BAIAP2L2: variants seen among roughly 807,000 people sequenced by gnomAD.
The protein encoded by BAIAP2L2 is BAR/IMD domain containing adaptor protein 2 like 2.
A neutral mutation model predicts 60.4 loss-of-function variants in BAIAP2L2; 65 were observed. The observed-to-expected ratio is 1.08, with a 90% CI of 0.88 to 1.32. The LOEUF is 1.32. BAIAP2L2 is among the 40% of genes most tolerant of loss of function. The probability of loss-of-function intolerance (pLI) is 0.00; values close to 1 mark genes in which losing one functional copy is unlikely to be tolerated. For synonymous variants in BAIAP2L2, 344 were observed against 301.7 expected (o/e 1.14, Z -1.45); for missense variants, 836 against 741.2 (o/e 1.13, Z -1.48).
At chr22:38,085,412 G>A (rs761126294) in intron 13 of BAIAP2L2, 37 bp from the exon 14 acceptor site, 4 of 1,593,976 alleles carry the variant, frequency 2.5e-6, no homozygotes, top group Non-Finnish European at 8.6e-7. Flanking sequence ...GAGAAGGGCA[G>A]ATGATCCCCA....
intron 1 of BAIAP2L2, among the ~76,000 whole-genome samples, chr22:38,109,610 T>C (rs2086752325): frequency 6.6e-6 from 1 of 152,156 alleles, no homozygotes; most frequent in Non-Finnish European, 1.5e-5. Flanking sequence ...GCTACACGCC[T>C]GGGGCTGCCA....
chr22:38,094,759 T>A (rs2086387752), intron 7 of BAIAP2L2, among the ~76,000 whole-genome samples: 1 of 152,106 alleles, frequency 6.6e-6, no homozygotes, highest in Admixed American at 6.5e-5. Flanking sequence ...AGCCGAAATC[T>A]GGGTCTTTGG....
At chr22:38,105,359 T>TTTG (rs2086644871) in intron 4 of BAIAP2L2, among the ~76,000 whole-genome samples, 1 of 146,658 alleles carries the variant, frequency 6.8e-6, no homozygotes, top group African/African-American at 2.5e-5. Context: ...TTTTTTTTTT[T>TTTG]GAGACAGAGT....
chr22:38,109,228 G>A lies in BAIAP2L2; in HGVS notation c.52-20C>T, dbSNP rs891894682. 1 of 1,587,354 alleles carries A rather than the reference G, an allele frequency of 6.3e-7. No individual in the cohort carries two copies. The highest frequency in any genetic ancestry group is 1.1e-5 in the South Asian group (1 of 90,482). On this transcript the variant is annotated intron_variant, in intron 1 of 13. Coordinates refer to ENST00000381669, the MANE Select transcript of BAIAP2L2 (RefSeq NM_025045.6). ...GATGCTCTGGACCCCAGGGTCAGGG[G>A]AGGAAAAAGGTGTAGAGATGGGGGA...
chr22:38,110,686 G>T, upstream of BAIAP2L2: 1 of 584,386 alleles, frequency 1.7e-6, no homozygotes, highest in South Asian at 2.1e-5. Flanking sequence ...AGGAGTGGCA[G>T]CTTAATTATT....
At chr22:38,110,150 G>GGA (rs1421982119) in intron 1 of BAIAP2L2, among the ~76,000 whole-genome samples, 2 of 30,486 alleles carry the variant, frequency 6.6e-5, no homozygotes, top group Admixed American at 2.8e-4. Context: ...AGAGAGAGAG[G>GGA]GAGAGACAGA....
In BAIAP2L2 at chr22:38,088,902, CG is replaced by C. The variant is rs2086186516; in HGVS notation, c.963del (p.Gly322AlafsTer61). ...SRSNSFGERP[G>X]GGGGARRVRA... ...CGGACTCTCCTGGCGCCCCCGCCGC[CG>C]CCCGGGCGCTCGCCAAAGGAGTTGG... is the stretch of plus-strand genomic sequence containing the variant. On this transcript the variant is annotated frameshift_variant, in exon 10 of 14. Transcript: ENST00000381669. LOFTEE classifies it high-confidence loss of function. 4 of 1,565,450 alleles carry C rather than the reference CG, an allele frequency of 2.6e-6. No homozygotes were observed. In the African/African-American group the frequency reaches 5.4e-5, roughly 21 times the overall value.
intron 2 of BAIAP2L2, 51 bp downstream of exon 2, chr22:38,109,082 G>GCCCTCCT: frequency 8.0e-7 from 1 of 1,249,580 alleles, no homozygotes; most frequent in Non-Finnish European, 1.1e-6. Context: ...TGGGTGGGTG[G>GCCCTCCT]GAACAGCAGA....
chr22:38,104,245 G>A (rs566442017), intron 4 of BAIAP2L2, among the ~76,000 whole-genome samples: 5 of 152,252 alleles, frequency 3.3e-5, no homozygotes, highest in Non-Finnish European at 5.9e-5. Context: ...GTGTATCCCC[G>A]GATGCATGGC....
rs1266133880 is a variant in BAIAP2L2, at chr22:38,110,658, G to A, written c.-133C>T. On this transcript the variant is annotated 5_prime_UTR_variant, in exon 1 of 14. Coordinates refer to ENST00000381669, the MANE Select transcript of BAIAP2L2 (RefSeq NM_025045.6). ...AGGAAGCCTCGGAGAGGGACCTGGA[G>A]ATGGAGGCCTGCCTCAGAGGAGTGG... 2 of 653,884 alleles carry A rather than the reference G, an allele frequency of 3.1e-6. No individual in the cohort carries two copies. Among genetic ancestry groups the A allele is most frequent in the Non-Finnish European group, 5.2e-6 (2 of 388,170 alleles). The allele number at this position is 653,884 out of a possible 1,614,324, so 40.5% of individuals were successfully genotyped here.
At chr22:38,107,701 G>A (rs1023900545) in intron 4 of BAIAP2L2, 151 bp downstream of exon 4, 2 of 710,714 alleles carry the variant, frequency 2.8e-6, no homozygotes, top group Non-Finnish European at 2.5e-6. Context: ...AACGACTATT[G>A]CAGGGAACCG....
chr22:38,104,556 C>T (rs898463917), intron 4 of BAIAP2L2, among the ~76,000 whole-genome samples: 28 of 147,266 alleles, frequency 1.9e-4, no homozygotes, highest in Non-Finnish European at 3.9e-4. Flanking sequence ...AGTGCAGTGG[C>T]GCGATCTCGG....
chr22:38,100,945 C>A (rs1215129623), intron 4 of BAIAP2L2, among the ~76,000 whole-genome samples: 5 of 151,888 alleles, frequency 3.3e-5, no homozygotes, highest in African/African-American at 9.7e-5. Flanking sequence ...AGTCAGAAAG[C>A]CTTTGCCCCT....
rs747122032 is a variant in BAIAP2L2, at chr22:38,097,123, C to A, written c.521G>T (p.Arg174Leu). 1 of 1,614,014 alleles carries A rather than the reference C, an allele frequency of 6.2e-7. No individual in the cohort carries two copies. Among genetic ancestry groups the A allele is most frequent in the South Asian group, 1.1e-5 (1 of 91,090 alleles). ...QMQAFVSESQ[R>L]AAELEEKRRY... ...CCGCTTCTCTTCCAATTCAGCCGCCCGCTGACTCTCAGACACGAAGGCCTG... is the reference window on the plus strand; with the variant it reads ...CCGCTTCTCTTCCAATTCAGCCGCCAGCTGACTCTCAGACACGAAGGCCTG... Residue 174 changes from arginine (R) to leucine (L), a missense_variant, in exon 7 of 14, where the codon CGG becomes CTG. Arg to Leu is a moderately radical substitution (Grantham distance 102, BLOSUM62 -2). Transcript: ENST00000381669.
At chr22:38,089,448 GGGGGCCTGAGGCCCCGGGCCCC>G in intron 8 of BAIAP2L2, 52 bp downstream of exon 8, 1 of 838,416 alleles carries the variant, frequency 1.2e-6, no homozygotes, top group Non-Finnish European at 1.6e-6. Context: ...GCTCCAGGCT[GGGGGCCTGAGGCCCCGGGCCCC>G]CGCGGGGGGC....
chr22:38,098,026 C>G (rs1263445982), intron 6 of BAIAP2L2, 37 bp downstream of exon 6: 1 of 1,049,520 alleles, frequency 9.5e-7, no homozygotes, highest in Non-Finnish European at 1.5e-6. Flanking sequence ...TGCCCACCCG[C>G]CCTTCCTGGC....
intron 7 of BAIAP2L2, among the ~76,000 whole-genome samples, chr22:38,095,946 A>G (rs2086417691): frequency 6.6e-6 from 1 of 152,206 alleles, no homozygotes; most frequent in African/African-American, 2.4e-5. Context: ...CAAAGTAAAT[A>G]CAGTTAGCTC....
chr22:38,093,270 G>A (rs1419026582), intron 7 of BAIAP2L2, among the ~76,000 whole-genome samples: 5 of 152,232 alleles, frequency 3.3e-5, no homozygotes, highest in African/African-American at 1.2e-4. Context: ...TAAGCTTCTA[G>A]AGGCTTCGCC....
At chr22:38,104,067 A>G (rs1030799168) in intron 4 of BAIAP2L2, among the ~76,000 whole-genome samples, 1 of 152,218 alleles carries the variant, frequency 6.6e-6, no homozygotes, top group African/African-American at 2.4e-5. Flanking sequence ...ACAGGGCACA[A>G]ATTCATTATC....
Sources: allele counts gnomAD v4.1 joint callset (sites outside exome capture counted in the v4.1 genomes callset), GRCh38; gene constraint gnomAD v4.1.1; transcripts MANE v1.5; gene names NCBI Gene and HGNC (gene_info 2026-07-23, HGNC 2026-07-21).